The following MAGI2 variants were observed in gnomAD, a reference collection of about 807,000 sequenced individuals.
The protein encoded by MAGI2 is membrane-associated guanylate kinase, WW and PDZ domain-containing protein 2.
In MAGI2, 35 loss-of-function variants were observed where a neutral mutation model predicts 133.3. That is an observed-to-expected ratio of 0.26 (90% CI 0.20 to 0.35). MAGI2 has a LOEUF of 0.35. Among genes scored for constraint, MAGI2 ranks in the 10% least tolerant of loss-of-function variants. MAGI2 has a pLI of 1.00. For missense variants in MAGI2, 1,636 were observed against 1,863.4 expected, an observed-to-expected ratio of 0.88 and a Z score of 2.25; for synonymous variants, 729 against 710.6, an observed-to-expected ratio of 1.03 and a Z score of -0.41.
intron 3 of MAGI2, among the ~76,000 whole-genome samples, chr7:78,535,008 T>C (rs1226356557): frequency 2.0e-5 from 3 of 151,828 alleles, no homozygotes; most frequent in Admixed American, 6.6e-5. Flanking sequence ...TGGTGGGCAC[T>C]TGTAATCCCA....
At chr7:79,443,263 AGTGTGT>A (rs10600872) in intron 1 of MAGI2, among the ~76,000 whole-genome samples, 4,961 of 143,678 alleles carry the variant, frequency 0.035, 287 homozygotes, top group African/African-American at 0.12. Context: ...TAGTGTTTGA[AGTGTGT>A]GTGTGTGTGT....
intron 2 of MAGI2, among the ~76,000 whole-genome samples, chr7:78,933,044 C>T (rs915786402): frequency 6.6e-6 from 1 of 151,896 alleles, no homozygotes; most frequent in Non-Finnish European, 1.5e-5. Context: ...TTTTACCAGT[C>T]GATTATTATG....
intron 1 of MAGI2, among the ~76,000 whole-genome samples, chr7:79,272,974 A>G (rs1235892760): frequency 6.6e-6 from 1 of 152,066 alleles, no homozygotes; most frequent in Non-Finnish European, 1.5e-5. Flanking sequence ...CTCTATTCCT[A>G]CAGTAATTTT....
chr7:78,970,911 C>A (rs1325178054), intron 2 of MAGI2, among the ~76,000 whole-genome samples: 1 of 152,022 alleles, frequency 6.6e-6, no homozygotes, highest in African/African-American at 2.4e-5. Context: ...GCATTTTGGG[C>A]TTGGAGAGAG....
In MAGI2 at chr7:79,195,457, G is replaced by A. The variant is rs1827997439; in HGVS notation, c.302-188251C>T. On this transcript the variant is annotated intron_variant, in intron 1 of 21. Transcript: ENST00000354212. ...ATAAAACCTTATCAATAAAACACTT[G>A]TGGTGAAAGTGTGCTAAAAAGGAAA... 1.3e-5 allele frequency among the ~76,000 whole-genome samples: 2 copies of A among 152,024 alleles called. 1 individual carries two copies. The highest frequency in any genetic ancestry group is 4.1e-4 in the South Asian group (2 of 4,830).
intron 9 of MAGI2, among the ~76,000 whole-genome samples, chr7:78,282,251 T>C (rs979672415): frequency 3.3e-5 from 5 of 152,152 alleles, no homozygotes; most frequent in Non-Finnish European, 7.4e-5. Context: ...TTCCCTGTCC[T>C]GGTTCTTCTA....
chr7:78,864,224 A>T (rs1794372136), intron 2 of MAGI2, among the ~76,000 whole-genome samples: 1 of 152,186 alleles, frequency 6.6e-6, no homozygotes, highest in East Asian at 1.9e-4. Flanking sequence ...GCTTACCCTT[A>T]CAACAAAAAA....
chr7:78,754,220 A>T (rs1338401818), intron 2 of MAGI2, among the ~76,000 whole-genome samples: 2 of 151,896 alleles, frequency 1.3e-5, no homozygotes, highest in Non-Finnish European at 2.9e-5. Context: ...TCTACAAAAA[A>T]ATTAGCTGGG....
intron 1 of MAGI2, among the ~76,000 whole-genome samples, chr7:79,033,644 T>G (rs1206047891): frequency 1.3e-5 from 2 of 152,190 alleles, no homozygotes; most frequent in Non-Finnish European, 2.9e-5. Context: ...TAATTTCTAT[T>G]GCTAAAATTA....
intron 1 of MAGI2, among the ~76,000 whole-genome samples, chr7:79,444,821 G>T: frequency 6.6e-6 from 1 of 152,092 alleles, no homozygotes; most frequent in South Asian, 2.1e-4. Flanking sequence ...CTACTTTAAA[G>T]TTCATATGGA....
At chr7:78,888,472 C>T (rs1266757137) in intron 2 of MAGI2, among the ~76,000 whole-genome samples, 1 of 152,316 alleles carries the variant, frequency 6.6e-6, no homozygotes, top group Middle Eastern at 3.4e-3. Context: ...AACTGGGAGG[C>T]ATCCCCCAGT....
chr7:78,507,592 A>G (rs568815157), intron 4 of MAGI2, among the ~76,000 whole-genome samples: 71 of 152,258 alleles, frequency 4.7e-4, no homozygotes, highest in African/African-American at 1.4e-3. Context: ...GTCTCCCCCA[A>G]CTCTGAGCAA....
rs1484330504 is a variant in MAGI2 at position 79,249,503 on chromosome 7, A to G, written c.301+203517T>C. ...TAACATAGAAATTCAAAGGATCATT[A>G]GAAGCTACTATGAGCAATTATATGC... On this transcript the variant is annotated intron_variant, in intron 1 of 21. Coordinates refer to ENST00000354212, the MANE Select transcript of MAGI2 (RefSeq NM_012301.4). 8.5e-5 allele frequency among the ~76,000 whole-genome samples: 13 copies of G among 152,174 alleles called. No homozygotes were observed. In the South Asian group the frequency reaches 2.1e-3, roughly 24 times the overall value.
At chr7:79,234,656 A>T (rs1479570007) in intron 1 of MAGI2, among the ~76,000 whole-genome samples, 1 of 151,568 alleles carries the variant, frequency 6.6e-6, no homozygotes, top group South Asian at 2.1e-4. Context: ...AGCTCCTTTA[A>T]GCACTTCTCT....
chr7:78,497,754 A>G lies in MAGI2; in HGVS notation c.965+3823T>C, dbSNP rs199562091. ...TATCTATCTATCTATCTATCTATCT[A>G]TCTATCTATCTTTCTATCTTATACA... On this transcript the variant is annotated intron_variant, in intron 5 of 21. Transcript: ENST00000354212. 5.2e-3 allele frequency among the ~76,000 whole-genome samples: 541 copies of G among 103,746 alleles called. 3 individuals carry two copies. The highest frequency in any genetic ancestry group is 0.012 in the South Asian group (31 of 2,506). 68.1% of individuals were successfully genotyped at this position (103,746 alleles called of 152,430 possible). A position where few individuals can be genotyped will look rare whatever the true frequency, so the allele number is the denominator to read the frequency against.
intron 6 of MAGI2, among the ~76,000 whole-genome samples, chr7:78,475,415 A>G (rs1478839809): frequency 1.3e-5 from 2 of 152,020 alleles, no homozygotes; most frequent in African/African-American, 4.8e-5. Context: ...TTAAGAGAAC[A>G]TATTTTATTA....
intron 3 of MAGI2, among the ~76,000 whole-genome samples, chr7:78,525,236 T>G (rs1796849509): frequency 6.6e-6 from 1 of 152,112 alleles, no homozygotes; most frequent in African/African-American, 2.4e-5. Context: ...ATAATAGCAA[T>G]ATAAAGGAAG....
At chr7:78,956,304 A>T (rs1463055566) in intron 2 of MAGI2, among the ~76,000 whole-genome samples, 7 of 152,144 alleles carry the variant, frequency 4.6e-5, no homozygotes, top group Non-Finnish European at 1.0e-4. Flanking sequence ...TTATTTTTAA[A>T]AATACCCCTC....
intron 1 of MAGI2, among the ~76,000 whole-genome samples, chr7:79,047,455 T>G (rs1227459408): frequency 2.6e-5 from 4 of 152,102 alleles, no homozygotes; most frequent in African/African-American, 9.6e-5. Context: ...ATTGACCTAC[T>G]ATTATGGAAA....
Sources: allele counts gnomAD v4.1 joint callset (sites outside exome capture counted in the v4.1 genomes callset), GRCh38; gene constraint gnomAD v4.1.1; transcripts MANE v1.5; gene names NCBI Gene and HGNC (gene_info 2026-07-23, HGNC 2026-07-21).